The following C10orf90 variants were observed in gnomAD, a reference collection of about 807,000 sequenced individuals.
The protein encoded by C10orf90 is (E2-independent) E3 ubiquitin-conjugating enzyme FATS.
C10orf90 carries 56 observed loss-of-function variants against 62.5 expected under a neutral mutation model. The observed-to-expected ratio is 0.90, with a 90% CI of 0.72 to 1.12. The LOEUF is 1.12. C10orf90 is among the 50% of genes most tolerant of loss of function. C10orf90 has a pLI of 0.00. For synonymous variants in C10orf90, 386 were observed against 340.4 expected (o/e 1.13, Z -1.47); for missense variants, 970 against 880.4 (o/e 1.10, Z -1.29).
intron 4 of C10orf90, among the ~76,000 whole-genome samples, chr10:126,485,832 A>C (rs1861404047): frequency 6.6e-6 from 1 of 151,888 alleles, no homozygotes; most frequent in Non-Finnish European, 1.5e-5. Flanking sequence ...CTGTAGTCCC[A>C]GCTACTCAGG....
intron 2 of C10orf90, chr10:126,524,622 G>A: frequency 3.0e-6 from 3 of 985,488 alleles, no homozygotes; most frequent in South Asian, 4.7e-5. Flanking sequence ...GATATGCTGG[G>A]AGGGGTCCAG....
At chr10:126,579,781 C>T (rs771620300) in intron 2 of C10orf90, among the ~76,000 whole-genome samples, 3 of 151,878 alleles carry the variant, frequency 2.0e-5, no homozygotes, top group Admixed American at 6.6e-5. Flanking sequence ...AGAGCTGATT[C>T]TTACTGAGCA....
chr10:126,642,256 GGT>G (rs2133845089), intron 2 of C10orf90, among the ~76,000 whole-genome samples: 2 of 152,332 alleles, frequency 1.3e-5, no homozygotes, highest in African/African-American at 4.8e-5. Context: ...GACAAGGCTG[GGT>G]GCGGTGGCTC....
At chr10:126,440,740 C>A (rs531819239) in intron 7 of C10orf90, among the ~76,000 whole-genome samples, 5 of 152,300 alleles carry the variant, frequency 3.3e-5, no homozygotes, top group South Asian at 2.1e-4. Flanking sequence ...CCCCCAGTAC[C>A]AGCCTGGAGC....
At chr10:126,589,097 A>C (rs537054070) in intron 2 of C10orf90, among the ~76,000 whole-genome samples, 22 of 152,356 alleles carry the variant, frequency 1.4e-4, no homozygotes, top group African/African-American at 5.0e-4. Context: ...CAAGTGGAGG[A>C]AAGAATCTCA....
intron 7 of C10orf90, among the ~76,000 whole-genome samples, chr10:126,450,375 C>T (rs1345479029): frequency 6.6e-6 from 1 of 152,176 alleles, no homozygotes; most frequent in Non-Finnish European, 1.5e-5. Flanking sequence ...CTGCAGACGA[C>T]TCCAAATAGC....
chr10:126,564,069 TCTCCAGACATTGCAAATGG>T (rs1844241447), intron 2 of C10orf90, among the ~76,000 whole-genome samples: 1 of 152,058 alleles, frequency 6.6e-6, no homozygotes, highest in South Asian at 2.1e-4. Context: ...ACCACAAATG[TCTCCAGACATTGCAAATGG>T]CTCCCACTCG....
chr10:126,594,893 AT>A lies in C10orf90; in HGVS notation c.313+51671del, dbSNP rs1477911797. On this transcript the variant is annotated intron_variant, in intron 2 of 9. Transcript: ENST00000488181. The stretch of plus-strand genomic sequence containing the variant: ...AGAGGCAGGTGTGAGACTTATTGGC[AT>A]GCCCGTGGGTCTGGACTGTGTCCTC... Among the ~76,000 whole-genome samples the A allele has an allele frequency of 5.3e-5, 8 of 152,306 alleles. No homozygotes were observed. In the South Asian group the frequency reaches 1.7e-3, roughly 32 times the overall value.
chr10:126,600,777 T>C (rs546307909), intron 2 of C10orf90, among the ~76,000 whole-genome samples: 13 of 152,228 alleles, frequency 8.5e-5, no homozygotes, highest in Admixed American at 8.5e-4. Context: ...CAGGCATCTG[T>C]TTAAATGCAG....
rs57098650 is a variant in C10orf90 at position 126,578,341 on chromosome 10, C to T, written c.314-64402G>A. On this transcript the variant is annotated intron_variant, in intron 2 of 9. Coordinates refer to ENST00000488181, the MANE Select transcript of C10orf90 (RefSeq NM_001350921.2). ...ATGAGCAAAGAACTTAGACTTTTCA[C>T]AAAAGGAAATATTCTAATAGCTTAT... Among the ~76,000 whole-genome samples the T allele has an allele frequency of 3.5e-3, 529 of 152,206 alleles. 3 individuals are homozygous for T. Among genetic ancestry groups the T allele is most frequent in the African/African-American group, 0.013 (520 of 41,528 alleles).
rs561876689 is a variant in C10orf90 at position 126,532,769 on chromosome 10, G to GGAGATTGCAGTGAGCC, written c.314-18846_314-18831dup. On this transcript the variant is annotated intron_variant, in intron 2 of 9. Coordinates refer to ENST00000488181, the MANE Select transcript of C10orf90 (RefSeq NM_001350921.2). ...GGAGAATGGCGTGAACCCGGGAGGC[G>GGAGATTGCAGTGAGCC]GAGATTGCAGTGAGCCGAGATCGCG... Among the ~76,000 whole-genome samples, 339 of 131,432 alleles carry GGAGATTGCAGTGAGCC rather than the reference G, an allele frequency of 2.6e-3. 3 individuals carry two copies. The highest frequency in any genetic ancestry group is 9.7e-3 in the African/African-American group (324 of 33,568). The allele number at this position is 131,432 out of a possible 152,430, so 86.2% of individuals were successfully genotyped here.
At chr10:126,604,409 C>T (rs970440815) in intron 2 of C10orf90, among the ~76,000 whole-genome samples, 1 of 152,096 alleles carries the variant, frequency 6.6e-6, no homozygotes, top group Non-Finnish European at 1.5e-5. Flanking sequence ...ACTTGATCCT[C>T]AGTTGAAAGA....
chr10:126,662,667 G>A (rs778537985), intron 1 of C10orf90, among the ~76,000 whole-genome samples: 4 of 151,986 alleles, frequency 2.6e-5, no homozygotes, highest in East Asian at 1.9e-4. Flanking sequence ...GTCCCCCCAC[G>A]CCTGGAAACC....
intron 7 of C10orf90, among the ~76,000 whole-genome samples, chr10:126,458,076 G>A (rs563172943): frequency 6.6e-6 from 1 of 152,260 alleles, no homozygotes; most frequent in Admixed American, 6.5e-5. Flanking sequence ...TTCTGGTGGA[G>A]AGAAGGAGAC....
At chr10:126,546,613 G>C (rs529831532) in intron 2 of C10orf90, among the ~76,000 whole-genome samples, 8 of 152,208 alleles carry the variant, frequency 5.3e-5, no homozygotes, top group African/African-American at 1.9e-4. Context: ...TGGAGGCTGA[G>C]TGGGGAGCAG....
At chr10:126,513,770 T>A (rs1363519049) in intron 3 of C10orf90, 78 bp downstream of exon 3, 2 of 886,504 alleles carry the variant, frequency 2.3e-6, no homozygotes, top group Admixed American at 3.9e-5. Flanking sequence ...TGCAATCACA[T>A]CACAAGTAGG....
chr10:126,441,323 C>T (rs1352880216), intron 7 of C10orf90, among the ~76,000 whole-genome samples: 2 of 151,866 alleles, frequency 1.3e-5, no homozygotes, highest in East Asian at 1.9e-4. Context: ...TTAACCCAAC[C>T]CAACAAAGAC....
chr10:126,524,806 G>T, intron 2 of C10orf90: 1 of 985,532 alleles, frequency 1.0e-6, no homozygotes, highest in Non-Finnish European at 1.2e-6. Flanking sequence ...GGCCATCGAG[G>T]GAGGGCATGT....
chr10:126,461,322 T>G, intron 6 of C10orf90, 79 bp downstream of exon 6: 2 of 1,509,278 alleles, frequency 1.3e-6, no homozygotes, highest in Non-Finnish European at 9.0e-7. Context: ...GAGGTGCAAG[T>G]GAGGTTGTGT....
Sources: gnomAD v4.1 joint callset for allele counts (sites outside exome capture counted in the v4.1 genomes callset) on GRCh38, gnomAD v4.1.1 for gene constraint, MANE v1.5 for transcripts, NCBI Gene and HGNC (gene_info 2026-07-23, HGNC 2026-07-21) for gene names.